NFASC: variants seen among roughly 807,000 people sequenced by gnomAD.
The protein encoded by NFASC is neurofascin, also known as neurofascin homolog.
NFASC carries 43 observed loss-of-function variants against 147.5 expected under a neutral mutation model. The ratio of observed to expected loss-of-function variants is 0.29; its 90% CI spans 0.23 to 0.38. NFASC has a LOEUF of 0.38. Among genes scored for constraint, NFASC ranks in the 10% least tolerant of loss-of-function variants. The probability of loss-of-function intolerance (pLI) is 1.00; values close to 1 mark genes in which losing one functional copy is unlikely to be tolerated. For missense variants in NFASC, 1,320 were observed against 1,689.0 expected (o/e 0.78, Z 3.83); for synonymous variants, 622 against 665.5 (o/e 0.93, Z 1.01).
At chr1:204,977,815 G>A in intron 17 of NFASC, 90 bp downstream of exon 17, 2 of 1,245,240 alleles carry the variant, frequency 1.6e-6, no homozygotes, top group Admixed American at 1.9e-5. Context: ...TTTGGGAAAG[G>A]GCGACAGTGT....
intron 2 of NFASC, among the ~76,000 whole-genome samples, chr1:204,939,038 ATGTGTG>A (rs60166382): frequency 2.4e-3 from 291 of 123,742 alleles, no homozygotes; most frequent in African/African-American, 6.9e-3. Context: ...GTATGGATGG[ATGTGTG>A]TGTGTGTGTG....
chr1:204,944,022 A>G (rs1337649284), intron 2 of NFASC, among the ~76,000 whole-genome samples: 6 of 152,180 alleles, frequency 3.9e-5, no homozygotes. Context: ...GCTGCTAAAC[A>G]TCTTACAATA....
At chr1:204,969,259 A>G (rs577707907) in intron 10 of NFASC, among the ~76,000 whole-genome samples, 2 of 152,306 alleles carry the variant, frequency 1.3e-5, no homozygotes, top group Admixed American at 1.3e-4. Flanking sequence ...ATTTCCTCCC[A>G]CGGCCCATTT....
intron 24 of NFASC, among the ~76,000 whole-genome samples, chr1:204,996,398 GA>G (rs2095845951): frequency 1.3e-5 from 2 of 152,158 alleles, no homozygotes; most frequent in Admixed American, 1.3e-4. Context: ...CATGTGAATA[GA>G]AAGCACCTGG....
chr1:204,983,146 G>A lies in NFASC; in HGVS notation c.2470+1126G>A, dbSNP rs750909862. 3.5e-4 allele frequency among the ~76,000 whole-genome samples: 54 copies of A among 152,200 alleles called. 1 individual carries two copies. The highest frequency in any genetic ancestry group is 1.6e-4 in the Non-Finnish European group (11 of 68,038). ...GACCAGCCCACAGTTTCCATTGCAC[G>A]CTTCTACCCTGCGGCCCACGCTCTG... is the stretch of plus-strand genomic sequence containing the variant. On this transcript the variant is annotated intron_variant, in intron 21 of 29. Transcript: ENST00000339876.
rs372883476 is a variant in NFASC at position 204,978,979 on chromosome 1, C to T, written c.1888C>T (p.Arg630Trp). The T allele has an allele frequency of 9.0e-6, 14 of 1,555,104 alleles. No individual in the cohort carries two copies. Among genetic ancestry groups the T allele is most frequent in the East Asian group, 4.8e-5 (2 of 41,420 alleles). The change falls in exon 18 of 30, where the codon CGG (arginine) becomes TGG (tryptophan). Residue 630 changes from arginine to tryptophan, a missense_variant. Around this residue, in one of 3 missense-constraint regions of NFASC, gnomAD observed 981 missense variants for 1,289.5 expected, o/e 0.76. Coordinates refer to ENST00000339876, the MANE Select transcript of NFASC (RefSeq NM_001005388.3). ...TCTTCTGCCACCAGGACGGCCAGAC[C>T]GGCCCCGGGACCTGGAGCTGACCGA... ...LAALPKGRPD[R>W]PRDLELTDLA... is the part of the protein sequence containing the mutation.
intron 1 of NFASC, among the ~76,000 whole-genome samples, chr1:204,836,286 A>G (rs2102417014): frequency 6.6e-6 from 1 of 152,214 alleles, no homozygotes; most frequent in South Asian, 2.1e-4. Context: ...TTGTTGTTCA[A>G]AGGTGGAAGA....
intron 25 of NFASC, chr1:205,000,730 G>A: frequency 5.2e-6 from 1 of 190,908 alleles, no homozygotes; most frequent in Non-Finnish European, 1.1e-5. Context: ...GGGAGGCTGA[G>A]GCAGGAGAAT....
chr1:204,896,776 C>G (rs6678393), intron 1 of NFASC, among the ~76,000 whole-genome samples: 2 of 152,074 alleles, frequency 1.3e-5, no homozygotes, highest in Non-Finnish European at 1.5e-5. Flanking sequence ...TAATGGCAGC[C>G]GATGCCATTT....
chr1:204,943,414 G>A (rs190670960), intron 2 of NFASC, among the ~76,000 whole-genome samples: 2 of 152,216 alleles, frequency 1.3e-5, no homozygotes, highest in Non-Finnish European at 2.9e-5. Context: ...TGTGCTTGAG[G>A]ATGAACACTG....
intron 1 of NFASC, among the ~76,000 whole-genome samples, chr1:204,852,554 G>A (rs1018248625): frequency 6.6e-6 from 1 of 152,218 alleles, no homozygotes; most frequent in African/African-American, 2.4e-5. Context: ...TGAGAAGTAA[G>A]TGCTACATCT....
At chr1:204,967,968 C>CGTATGATTAAAAAA in intron 8 of NFASC, 3 of 289,808 alleles carry the variant, frequency 1.0e-5, no homozygotes, top group South Asian at 1.0e-4. Context: ...AGCCCCTCCC[C>CGTATGATTAAAAAA]GTTCCAGGGA....
At chr1:204,922,601 G>A (rs1048675473) in intron 2 of NFASC, among the ~76,000 whole-genome samples, 1 of 152,158 alleles carries the variant, frequency 6.6e-6, no homozygotes, top group African/African-American at 2.4e-5. Context: ...TTTCCCCCAA[G>A]GTTTCGCAAA....
intron 1 of NFASC, among the ~76,000 whole-genome samples, chr1:204,877,125 A>C (rs2079181122): frequency 7.1e-6 from 1 of 140,296 alleles, no homozygotes; most frequent in African/African-American, 2.7e-5. Flanking sequence ...TTAAATGTTA[A>C]AATATTAAAT....
intron 1 of NFASC, among the ~76,000 whole-genome samples, chr1:204,888,219 C>A (rs1420507379): frequency 1.3e-5 from 2 of 152,192 alleles, no homozygotes; most frequent in Non-Finnish European, 1.5e-5. Flanking sequence ...ATCTAGCCAA[C>A]CCCAAAGCAC....
chr1:204,876,448 A>G (rs2078808512), intron 1 of NFASC, among the ~76,000 whole-genome samples: 1 of 152,210 alleles, frequency 6.6e-6, no homozygotes, highest in Admixed American at 6.5e-5. Flanking sequence ...ATGGTAAAAT[A>G]TGTACAACAT....
rs758663963 is a variant in NFASC, at chr1:204,850,171, T to C, written c.-200+21389T>C. Reference sequence around the variant, plus strand: ...AGGCCTCAGTTTCTTCATTAGAAAATTCTGTGAGGCAATGAGTGAAGTGAT... The same window carrying C: ...AGGCCTCAGTTTCTTCATTAGAAAACTCTGTGAGGCAATGAGTGAAGTGAT... On this transcript the variant is annotated intron_variant, in intron 1 of 29. Coordinates refer to ENST00000339876, the MANE Select transcript of NFASC (RefSeq NM_001005388.3). Among the ~76,000 whole-genome samples, 96 of 152,322 alleles carry C rather than the reference T, an allele frequency of 6.3e-4. 1 individual carries two copies. Among genetic ancestry groups the C allele is most frequent in the Non-Finnish European group, 1.3e-3 (90 of 68,032 alleles).
chr1:204,950,375 A>G (rs898770196), intron 3 of NFASC, among the ~76,000 whole-genome samples, 182 bp from the exon 4 acceptor site: 5 of 152,028 alleles, frequency 3.3e-5, no homozygotes, highest in Non-Finnish European at 5.9e-5. Context: ...CCGTTCCCCA[A>G]CCCTGCTTGG....
At chr1:204,906,272 C>T (rs560849923) in intron 1 of NFASC, among the ~76,000 whole-genome samples, 1 of 152,076 alleles carries the variant, frequency 6.6e-6, no homozygotes, top group Admixed American at 6.5e-5. Context: ...ATGAATTTTG[C>T]CAAACACATA....
Sources: gnomAD v4.1 joint callset for allele counts (sites outside exome capture counted in the v4.1 genomes callset) on GRCh38, gnomAD v4.1.1 for gene constraint, gnomAD v4.1.1 regional missense constraint, MANE v1.5 for transcripts, NCBI Gene and HGNC (gene_info 2026-07-23, HGNC 2026-07-21) for gene names.